Variants in NRG3 observed in about 807,000 individuals in gnomAD.
NRG3 encodes pro-neuregulin-3, membrane-bound isoform.
NRG3 carries 31 observed loss-of-function variants against 66.9 expected under a neutral mutation model. The ratio of observed to expected loss-of-function variants is 0.46; its 90% CI spans 0.35 to 0.63. The LOEUF (loss-of-function observed/expected upper bound fraction) is 0.63. Among genes scored for constraint, NRG3 ranks in the 20% least tolerant of loss-of-function variants. The pLI is 0.00. For synonymous variants in NRG3, 393 were observed against 359.4 expected (o/e 1.09, Z -1.06); for missense variants, 910 against 878.9 (o/e 1.04, Z -0.45).
At chr10:82,265,433 T>C (rs1028057807) in intron 1 of NRG3, among the ~76,000 whole-genome samples, 1 of 152,192 alleles carries the variant, frequency 6.6e-6, no homozygotes, top group Non-Finnish European at 1.5e-5. Context: ...TAATGTATTA[T>C]AGTCAATGGA....
chr10:82,073,979 T>A (rs2064950310), intron 1 of NRG3, among the ~76,000 whole-genome samples: 2 of 151,652 alleles, frequency 1.3e-5, no homozygotes, highest in African/African-American at 4.9e-5. Flanking sequence ...AACCAGACAA[T>A]CAATAAGTAA....
At chr10:82,347,955 G>A (rs2083145152) in intron 1 of NRG3, among the ~76,000 whole-genome samples, 1 of 151,982 alleles carries the variant, frequency 6.6e-6, no homozygotes, top group Non-Finnish European at 1.5e-5. Context: ...TTGAGCCTAT[G>A]TGTGTCTCTG....
intron 1 of NRG3, among the ~76,000 whole-genome samples, chr10:81,964,649 C>A (rs1025849550): frequency 3.9e-5 from 6 of 152,134 alleles, no homozygotes; most frequent in Non-Finnish European, 5.9e-5. Flanking sequence ...AGACAGTGTG[C>A]ATGCCCTTAT....
intron 1 of NRG3, among the ~76,000 whole-genome samples, chr10:81,904,682 C>G (rs143774173): frequency 3.9e-5 from 6 of 152,198 alleles, no homozygotes; most frequent in Non-Finnish European, 8.8e-5. Flanking sequence ...TCAGATAAAT[C>G]AGCAATCTTT....
At chr10:82,365,028 T>C (rs2084432407) in intron 2 of NRG3, among the ~76,000 whole-genome samples, 1 of 152,190 alleles carries the variant, frequency 6.6e-6, no homozygotes, top group Non-Finnish European at 1.5e-5. Context: ...GCTTCCATTT[T>C]TAAGAGAATT....
At chr10:82,887,031 G>C (rs753976610) in intron 4 of NRG3, among the ~76,000 whole-genome samples, 4 of 152,158 alleles carry the variant, frequency 2.6e-5, no homozygotes, top group Non-Finnish European at 4.4e-5. Context: ...GAAATGTCTC[G>C]GGAAATGTCT....
intron 3 of NRG3, among the ~76,000 whole-genome samples, chr10:82,800,890 G>A (rs866125336): frequency 4.6e-5 from 7 of 152,248 alleles, no homozygotes; most frequent in Middle Eastern, 6.8e-3. Context: ...AGGAGCTAGG[G>A]GCACAATTGA....
chr10:82,502,806 A>G (rs1283543956), intron 2 of NRG3, among the ~76,000 whole-genome samples: 2 of 152,206 alleles, frequency 1.3e-5, no homozygotes, highest in African/African-American at 2.4e-5. Flanking sequence ...TTTCATTTAT[A>G]TAACTGTCTG....
At chr10:82,453,331 T>C (rs1030383896) in intron 2 of NRG3, among the ~76,000 whole-genome samples, 2 of 152,182 alleles carry the variant, frequency 1.3e-5, no homozygotes, top group Admixed American at 1.3e-4. Context: ...AATTGTACTT[T>C]TTCTTCAGAG....
At chr10:82,456,969 CT>C in intron 2 of NRG3, among the ~76,000 whole-genome samples, 1 of 152,208 alleles carries the variant, frequency 6.6e-6, no homozygotes, top group East Asian at 1.9e-4. Context: ...ATTATTTCCT[CT>C]CCTTGGAATG....
intron 2 of NRG3, among the ~76,000 whole-genome samples, chr10:82,638,737 C>T (rs938417611): frequency 1.3e-5 from 2 of 152,040 alleles, no homozygotes; most frequent in East Asian, 1.9e-4. Flanking sequence ...GCTTCCACCT[C>T]GCAGGTTCAA....
chr10:82,054,144 A>G lies in NRG3; in HGVS notation c.823+177981A>G, dbSNP rs189411353. ...GGGAAGTCATTAGAGGGTATTGTAC[A>G]GAGGAGTGAAGTGATTTGATTTATG... On this transcript the variant is annotated intron_variant, in intron 1 of 8. Transcript: ENST00000372141. 3.9e-5 allele frequency among the ~76,000 whole-genome samples: 6 copies of G among 152,346 alleles called. No individual in the cohort carries two copies. The East Asian group carries it at 9.6e-4, about 24-fold the overall frequency.
intron 6 of NRG3, among the ~76,000 whole-genome samples, chr10:82,959,721 A>G (rs1257954288): frequency 6.6e-6 from 1 of 152,216 alleles, no homozygotes; most frequent in Non-Finnish European, 1.5e-5. Context: ...TGTGAGAAGA[A>G]TCAAAGGTGA....
chr10:82,482,533 A>G (rs969882167), intron 2 of NRG3, among the ~76,000 whole-genome samples: 2 of 152,166 alleles, frequency 1.3e-5, no homozygotes, highest in African/African-American at 4.8e-5. Context: ...GGTGTGGTGT[A>G]GGGAAACAGG....
chr10:82,785,364 A>AAAATT (rs943227885), intron 3 of NRG3, among the ~76,000 whole-genome samples: 185 of 151,884 alleles, frequency 1.2e-3, no homozygotes, highest in Middle Eastern at 6.8e-3. Context: ...TAATAATAAA[A>AAAATT]AAATTAAATT....
chr10:82,363,467 G>GTTTGT (rs1554896631), intron 2 of NRG3, among the ~76,000 whole-genome samples: 1 of 152,050 alleles, frequency 6.6e-6, no homozygotes, highest in Non-Finnish European at 1.5e-5. Context: ...TTGTTTGTTT[G>GTTTGT]TTTTTTGAGA....
chr10:82,466,577 A>G (rs1840699604), intron 2 of NRG3, among the ~76,000 whole-genome samples: 1 of 152,202 alleles, frequency 6.6e-6, no homozygotes. Flanking sequence ...GGAAGCTGGA[A>G]GAAGACTGGT....
chr10:82,763,507 A>G (rs923312629), intron 3 of NRG3, among the ~76,000 whole-genome samples: 1 of 152,210 alleles, frequency 6.6e-6, no homozygotes, highest in Non-Finnish European at 1.5e-5. Flanking sequence ...AAAACAAAGA[A>G]AAATAAAATT....
chr10:82,430,123 A>G (rs976286471), intron 2 of NRG3, among the ~76,000 whole-genome samples: 1 of 152,158 alleles, frequency 6.6e-6, no homozygotes, highest in Non-Finnish European at 1.5e-5. Flanking sequence ...TTCTTTAAAC[A>G]TATTTATAAT....
Sources: gnomAD v4.1 joint callset for allele counts (sites outside exome capture counted in the v4.1 genomes callset) on GRCh38, gnomAD v4.1.1 for gene constraint, MANE v1.5 for transcripts, NCBI Gene and HGNC (gene_info 2026-07-23, HGNC 2026-07-21) for gene names.